PRKACB: variants seen among roughly 807,000 people sequenced by gnomAD.
PRKACB encodes protein kinase cAMP-activated catalytic subunit beta.
A neutral mutation model predicts 51.4 loss-of-function variants in PRKACB; 16 were observed. The observed-to-expected ratio is 0.31, with a 90% confidence interval of 0.21 to 0.47. PRKACB has a LOEUF of 0.47. Ranked by LOEUF, PRKACB falls within the 20% of genes least tolerant of loss-of-function variation. The pLI, the probability that PRKACB is intolerant of heterozygous loss-of-function variation, is 1.00. For synonymous variants in PRKACB, 147 were observed against 154.4 expected (o/e 0.95, Z 0.35); for missense variants, 309 against 464.5 (o/e 0.67, Z 3.08).
intron 1 of PRKACB, chr1:84,086,199 A>G: frequency 6.3e-7 from 1 of 1,597,808 alleles, no homozygotes; most frequent in Non-Finnish European, 8.6e-7. Flanking sequence ...GATGAGGATC[A>G]GCTGGAGGCC....
At chr1:84,120,005 T>G (rs911272282) in intron 1 of PRKACB, among the ~76,000 whole-genome samples, 3 of 152,038 alleles carry the variant, frequency 2.0e-5, no homozygotes, top group Non-Finnish European at 4.4e-5. Context: ...TAACACAACT[T>G]TATGTCTCAG....
chr1:84,103,605 C>G (rs369361275), intron 1 of PRKACB, among the ~76,000 whole-genome samples: 1 of 152,178 alleles, frequency 6.6e-6, no homozygotes, highest in African/African-American at 2.4e-5. Context: ...TCCAGCTTCT[C>G]GCAGCTGTTG....
chr1:84,180,966 TAA>T (rs938695484), intron 2 of PRKACB, among the ~76,000 whole-genome samples: 1 of 152,104 alleles, frequency 6.6e-6, no homozygotes, highest in African/African-American at 2.4e-5. Context: ...TGATAAAACC[TAA>T]GATTAAATAT....
Position 84,164,946 on chromosome 1 carries a change from A to T in PRKACB, c.188-14231A>T, listed in dbSNP as rs1467413838. The T allele has an allele frequency of 2.0e-6, 3 of 1,533,862 alleles. No homozygotes were observed. The East Asian group carries it at 7.4e-5, about 38-fold the overall frequency. On this transcript the variant is annotated intron_variant, in intron 1 of 9. Transcript: ENST00000370685. ...TCTTCTCCCTCTAGAGATTAGCATA[A>T]CTCCCTTTGCTGTTGGATTGTTATT...
intron 8 of PRKACB, among the ~76,000 whole-genome samples, chr1:84,212,194 A>T (rs752578692): frequency 6.6e-6 from 1 of 152,118 alleles, no homozygotes; most frequent in Non-Finnish European, 1.5e-5. Context: ...TCAAGCTTTT[A>T]TGTACATATG....
intron 1 of PRKACB, among the ~76,000 whole-genome samples, chr1:84,176,067 A>G (rs1317408570): frequency 6.6e-6 from 1 of 151,772 alleles, no homozygotes; most frequent in Non-Finnish European, 1.5e-5. Context: ...CTATGGTCAC[A>G]CAGCTAGGAA....
chr1:84,164,994 G>T, intron 1 of PRKACB: 1 of 1,547,306 alleles, frequency 6.5e-7, no homozygotes, highest in Non-Finnish European at 8.7e-7. Flanking sequence ...TTTTGGAAAG[G>T]TTGGTTTTCA....
At chr1:84,173,410 A>C (rs1325072479) in intron 1 of PRKACB, 13 of 1,351,818 alleles carry the variant, frequency 9.6e-6, no homozygotes, top group Non-Finnish European at 1.3e-5. Context: ...CGTAAGCTAA[A>C]TTTTTATGAG....
chr1:84,226,806 A>C (rs1463684757), intron 9 of PRKACB, among the ~76,000 whole-genome samples: 1 of 152,160 alleles, frequency 6.6e-6, no homozygotes. Flanking sequence ...GAAGTGCCCA[A>C]GAATATACTT....
At chr1:84,154,693 A>G (rs1655242727) in intron 1 of PRKACB, among the ~76,000 whole-genome samples, 1 of 152,170 alleles carries the variant, frequency 6.6e-6, no homozygotes, top group South Asian at 2.1e-4. Context: ...ATTCAACAGC[A>G]CATTAAAGGA....
chr1:84,157,721 A>T (rs778006083), intron 1 of PRKACB, among the ~76,000 whole-genome samples: 7 of 152,190 alleles, frequency 4.6e-5, no homozygotes, highest in Non-Finnish European at 1.0e-4. Flanking sequence ...GTTATAGAAT[A>T]TATTAATAAT....
intron 1 of PRKACB, among the ~76,000 whole-genome samples, chr1:84,096,458 TC>T (rs1648933051): frequency 6.6e-6 from 1 of 152,152 alleles, no homozygotes; most frequent in Non-Finnish European, 1.5e-5. Context: ...TCCATTTTTT[TC>T]CCTTGTCAGC....
intron 2 of PRKACB, 67 bp from the exon 3 acceptor site, chr1:84,182,133 A>G: frequency 8.6e-7 from 1 of 1,156,570 alleles, no homozygotes; most frequent in Non-Finnish European, 1.2e-6. Context: ...ATGTATTATT[A>G]AAGCATTTAT....
chr1:84,090,110 A>C (rs1408258353), intron 1 of PRKACB, among the ~76,000 whole-genome samples: 1 of 152,186 alleles, frequency 6.6e-6, no homozygotes, highest in Non-Finnish European at 1.5e-5. Context: ...TGTCAACATG[A>C]CTTTACAGTT....
chr1:84,123,811 G>A (rs559792701), intron 1 of PRKACB, among the ~76,000 whole-genome samples: 1 of 152,256 alleles, frequency 6.6e-6, no homozygotes, highest in African/African-American at 2.4e-5. Context: ...AGTTAGCATT[G>A]TTATAGTCAA....
intron 1 of PRKACB, among the ~76,000 whole-genome samples, chr1:84,132,278 G>T (rs1027937097): frequency 8.7e-6 from 1 of 114,990 alleles, no homozygotes; most frequent in African/African-American, 2.9e-5. Context: ...TTGCAAGAAT[G>T]GACTCTTTTT....
intron 9 of PRKACB, among the ~76,000 whole-genome samples, chr1:84,218,467 A>G (rs1203624943): frequency 6.6e-6 from 1 of 152,144 alleles, no homozygotes; most frequent in Non-Finnish European, 1.5e-5. Flanking sequence ...GTTTCTATCC[A>G]TGTTGCTACA....
rs111913198 is a variant in PRKACB, at chr1:84,122,785, G to C, written c.46+44414G>C. Among the ~76,000 whole-genome samples the C allele has an allele frequency of 1.9e-3, 283 of 152,196 alleles. 1 individual carries two copies. The highest frequency in any genetic ancestry group is 6.5e-3 in the African/African-American group (270 of 41,554). ...TTTATGAGAGGGAAAATGGATATTA[G>C]TTTCTGATATGGTAGTTTATGTGAG... On this transcript the variant is annotated intron_variant, in intron 1 of 8. Transcript: ENST00000370688.
At chr1:84,227,212 G>C (rs1674759897) in intron 9 of PRKACB, among the ~76,000 whole-genome samples, 1 of 152,112 alleles carries the variant, frequency 6.6e-6, no homozygotes, top group East Asian at 1.9e-4. Context: ...TAGGAACATA[G>C]AGTCATCTTA....
Sources: gnomAD v4.1 joint callset for allele counts (sites outside exome capture counted in the v4.1 genomes callset) on GRCh38, gnomAD v4.1.1 for gene constraint, MANE v1.5 for transcripts, NCBI Gene and HGNC (gene_info 2026-07-23, HGNC 2026-07-21) for gene names.